The following SYT1 variants were observed in gnomAD, a reference collection of about 807,000 sequenced individuals.
SYT1 encodes the protein synaptotagmin 1, also known as synaptotagmin-1.
A neutral mutation model predicts 44.8 loss-of-function variants in SYT1; 8 were observed. That is an observed-to-expected ratio of 0.18 (90% CI 0.10 to 0.32). The LOEUF (loss-of-function observed/expected upper bound fraction) is 0.32, where lower values mean the gene tolerates loss of function less well. Among genes scored for constraint, SYT1 ranks in the 10% least tolerant of loss-of-function variants. The pLI, the probability that SYT1 is intolerant of heterozygous loss-of-function variation, is 1.00. For missense variants in SYT1, 286 were observed against 509.3 expected (o/e 0.56, Z 4.22); for synonymous variants, 154 against 188.8 (o/e 0.82, Z 1.51).
chr12:78,994,759 A>G (rs61928968), intron 2 of SYT1, among the ~76,000 whole-genome samples: 7,219 of 146,756 alleles, frequency 0.049, 216 homozygotes, highest in Admixed American at 0.09. Context: ...CTGGTCTTGA[A>G]CTCCTGACCT....
chr12:79,392,712 CTG>C (rs1378928069), intron 9 of SYT1: 1 of 149,762 alleles, frequency 6.7e-6, no homozygotes, highest in Non-Finnish European at 1.5e-5. Context: ...ATAAAGAAAA[CTG>C]AGTATATGTA....
At chr12:79,101,619 A>C (rs1250278302) in intron 3 of SYT1, among the ~76,000 whole-genome samples, 1 of 152,198 alleles carries the variant, frequency 6.6e-6, no homozygotes. Flanking sequence ...TGTGTTATAT[A>C]TAAATTTCCT....
intron 4 of SYT1, among the ~76,000 whole-genome samples, chr12:79,225,121 A>G (rs981991396): frequency 7.2e-6 from 1 of 139,756 alleles, no homozygotes; most frequent in Non-Finnish European, 1.6e-5. Flanking sequence ...GCTACAGTGG[A>G]AAAAAAAAAA....
intron 8 of SYT1, among the ~76,000 whole-genome samples, chr12:79,349,231 T>G (rs576760554): frequency 2.0e-5 from 3 of 151,840 alleles, no homozygotes; most frequent in Admixed American, 2.0e-4. Context: ...GGATCTAACT[T>G]GAGAGACATT....
chr12:79,117,126 C>T (rs117095257), intron 3 of SYT1, among the ~76,000 whole-genome samples: 1,585 of 152,232 alleles, frequency 0.01, 20 homozygotes, highest in Middle Eastern at 0.071. Context: ...TATACAAAGA[C>T]AGATTAGTGA....
intron 8 of SYT1, among the ~76,000 whole-genome samples, chr12:79,325,531 G>A (rs1182919895): frequency 6.6e-6 from 1 of 152,150 alleles, no homozygotes; most frequent in African/African-American, 2.4e-5. Context: ...TCTATTTATA[G>A]ATGCCAGCTT....
chr12:79,286,227 A>G (rs1592931378), intron 5 of SYT1, among the ~76,000 whole-genome samples: 1 of 152,318 alleles, frequency 6.6e-6, no homozygotes, highest in South Asian at 2.1e-4. Context: ...GGTTTGGCAT[A>G]TGAGAATGAT....
intron 1 of SYT1, among the ~76,000 whole-genome samples, chr12:78,947,471 T>G (rs1420538144): frequency 1.3e-5 from 2 of 149,044 alleles, no homozygotes; most frequent in Non-Finnish European, 3.0e-5. Context: ...ATACAGTTTA[T>G]CAAATTTAGC....
At chr12:78,895,074 C>T (rs1247132328) in intron 1 of SYT1, among the ~76,000 whole-genome samples, 1 of 151,382 alleles carries the variant, frequency 6.6e-6, no homozygotes, top group African/African-American at 2.4e-5. Flanking sequence ...AAATTAAAAA[C>T]TAAAAAAAAT....
intron 1 of SYT1, among the ~76,000 whole-genome samples, chr12:78,930,131 A>G (rs1877553707): frequency 2.0e-5 from 3 of 152,164 alleles, no homozygotes; most frequent in Non-Finnish European, 4.4e-5. Context: ...ATAATAATGT[A>G]CTATATATTT....
At chr12:79,232,766 G>A (rs1350240274) in intron 4 of SYT1, among the ~76,000 whole-genome samples, 1 of 152,100 alleles carries the variant, frequency 6.6e-6, no homozygotes, top group Non-Finnish European at 1.5e-5. Flanking sequence ...CTGGCTCATA[G>A]GTAGGCAGAA....
chr12:78,942,989 C>A lies in SYT1; in HGVS notation c.-216-34810C>A, dbSNP rs564531887. On this transcript the variant is annotated intron_variant, in intron 1 of 10. Transcript: ENST00000261205. ...ATCAGTAAAACTGACCAGGGCTTTC[C>A]TATGTTTATATTTTCCACATCACTC... Among the ~76,000 whole-genome samples the A allele has an allele frequency of 1.1e-4, 17 of 152,194 alleles. No homozygotes were observed. The South Asian group carries it at 3.5e-3, about 32-fold the overall frequency.
chr12:79,245,212 T>A (rs1592892245), intron 4 of SYT1, among the ~76,000 whole-genome samples: 1 of 149,414 alleles, frequency 6.7e-6, no homozygotes, highest in Admixed American at 6.8e-5. Flanking sequence ...ACGCCTGTAA[T>A]CCCAGCACTT....
At chr12:79,354,910 G>T (rs762277090) in intron 9 of SYT1, among the ~76,000 whole-genome samples, 1 of 152,044 alleles carries the variant, frequency 6.6e-6, no homozygotes, top group Non-Finnish European at 1.5e-5. Flanking sequence ...TGATTTCTTT[G>T]TATCCTGTCT....
At chr12:78,903,386 A>T (rs914635914) in intron 1 of SYT1, among the ~76,000 whole-genome samples, 2 of 151,956 alleles carry the variant, frequency 1.3e-5, no homozygotes, top group Non-Finnish European at 2.9e-5. Context: ...CCTGGGTTCA[A>T]GCTATCGTCC....
intron 3 of SYT1, among the ~76,000 whole-genome samples, chr12:79,127,236 T>C (rs988450539): frequency 2.6e-5 from 4 of 152,250 alleles, no homozygotes; most frequent in Non-Finnish European, 5.9e-5. Flanking sequence ...AAACAAGCTC[T>C]AGTAGATGCA....
At chr12:79,354,416 CAACT>C (rs1306726771) in intron 9 of SYT1, among the ~76,000 whole-genome samples, 1 of 152,148 alleles carries the variant, frequency 6.6e-6, no homozygotes, top group Non-Finnish European at 1.5e-5. Context: ...TGTGGAATTA[CAACT>C]AACATTACTG....
At chr12:78,918,073 AT>A (rs1286135828) in intron 1 of SYT1, among the ~76,000 whole-genome samples, 3 of 152,060 alleles carry the variant, frequency 2.0e-5, no homozygotes, top group Non-Finnish European at 2.9e-5. Context: ...TAATGCCAGG[AT>A]TTTTTTAAGG....
At chr12:78,887,738 C>T (rs570555306) in intron 1 of SYT1, among the ~76,000 whole-genome samples, 125 of 151,912 alleles carry the variant, frequency 8.2e-4, no homozygotes, top group Non-Finnish European at 1.3e-4. Flanking sequence ...AATTATATAT[C>T]ATAAAGTTAC....
Sources: gnomAD v4.1 joint callset for allele counts (sites outside exome capture counted in the v4.1 genomes callset) on GRCh38, gnomAD v4.1.1 for gene constraint, MANE v1.5 for transcripts, NCBI Gene and HGNC (gene_info 2026-07-23, HGNC 2026-07-21) for gene names.